The following COL24A1 variants were observed in gnomAD, a reference collection of about 807,000 sequenced individuals.
The protein encoded by COL24A1 is collagen alpha-1(XXIV) chain.
A neutral mutation model predicts 253.9 loss-of-function variants in COL24A1; 224 were observed. That is an observed-to-expected ratio of 0.88 (90% CI 0.79 to 0.99). The LOEUF is 0.99. COL24A1 is among the 50% of genes least tolerant of loss of function. The pLI is 0.00. For synonymous variants in COL24A1, 685 were observed against 673.7 expected, an observed-to-expected ratio of 1.02 and a Z score of -0.26; for missense variants, 2,131 against 2,068.5, an observed-to-expected ratio of 1.03 and a Z score of -0.59.
chr1:85,946,935 GA>G (rs1689379159), intron 24 of COL24A1, among the ~76,000 whole-genome samples: 1 of 152,138 alleles, frequency 6.6e-6, no homozygotes, highest in Admixed American at 6.6e-5. Flanking sequence ...ACTACAAAAA[GA>G]AAGAAATCCA....
At chr1:85,923,928 C>T (rs560185916) in intron 24 of COL24A1, among the ~76,000 whole-genome samples, 5 of 151,902 alleles carry the variant, frequency 3.3e-5, no homozygotes, top group South Asian at 2.1e-4. Context: ...GCTAGCAAGA[C>T]TAATAAAGAA....
At chr1:86,036,179 G>T (rs1391485631) in intron 12 of COL24A1, among the ~76,000 whole-genome samples, 5 of 151,560 alleles carry the variant, frequency 3.3e-5, no homozygotes, top group African/African-American at 1.2e-4. Context: ...TCGAGATGGG[G>T]TCTCACTTTG....
intron 19 of COL24A1, among the ~76,000 whole-genome samples, chr1:85,988,103 A>AC: frequency 6.6e-6 from 1 of 151,324 alleles, no homozygotes; most frequent in South Asian, 2.1e-4. Flanking sequence ...TGTCTGATAA[A>AC]AAAAAAAAAC....
intron 18 of COL24A1, among the ~76,000 whole-genome samples, chr1:86,021,821 G>C (rs1697566515): frequency 6.6e-6 from 1 of 152,068 alleles, no homozygotes; most frequent in Admixed American, 6.5e-5. Context: ...AAAAAAATAA[G>C]GATTTAGAAT....
At chr1:86,101,500 C>A (rs1465165897) in intron 5 of COL24A1, among the ~76,000 whole-genome samples, 2 of 152,078 alleles carry the variant, frequency 1.3e-5, no homozygotes, top group African/African-American at 4.8e-5. Context: ...TTTTGCCCAT[C>A]CAGTATAATG....
chr1:86,132,542 A>G (rs966845188), intron 2 of COL24A1, among the ~76,000 whole-genome samples: 1 of 152,142 alleles, frequency 6.6e-6, no homozygotes, highest in Non-Finnish European at 1.5e-5. Flanking sequence ...TAATTTTTGT[A>G]TAAGGTGTAA....
At chr1:86,097,871 C>A (rs1461362818) in intron 5 of COL24A1, among the ~76,000 whole-genome samples, 2 of 152,028 alleles carry the variant, frequency 1.3e-5, no homozygotes, top group African/African-American at 4.8e-5. Flanking sequence ...AGATCCAAAT[C>A]CTATTTTTAA....
intron 52 of COL24A1, among the ~76,000 whole-genome samples, chr1:85,777,936 T>G (rs940386098): frequency 5.3e-5 from 8 of 152,114 alleles, no homozygotes; most frequent in Non-Finnish European, 8.8e-5. Context: ...GCTGGCTACT[T>G]TTTTGATGGA....
intron 43 of COL24A1, among the ~76,000 whole-genome samples, chr1:85,826,080 C>T (rs1447927553): frequency 2.2e-5 from 3 of 138,680 alleles, no homozygotes; most frequent in Non-Finnish European, 4.8e-5. Context: ...AGTCTTTAAT[C>T]CATCTTGAAT....
chr1:85,970,404 C>A, intron 21 of COL24A1, 133 bp from the exon 22 acceptor site: 2 of 905,896 alleles, frequency 2.2e-6, no homozygotes, highest in Middle Eastern at 3.4e-4. Context: ...CTGTTATTTT[C>A]TTGTACTTTG....
At chr1:85,888,003 T>A (rs1046061144) in intron 32 of COL24A1, among the ~76,000 whole-genome samples, 1 of 151,932 alleles carries the variant, frequency 6.6e-6, no homozygotes, top group African/African-American at 2.4e-5. Context: ...AAACTGAATT[T>A]ATAATCTTCC....
intron 19 of COL24A1, among the ~76,000 whole-genome samples, chr1:85,994,494 G>A (rs1285907876): frequency 6.6e-6 from 1 of 151,846 alleles, no homozygotes; most frequent in Non-Finnish European, 1.5e-5. Context: ...TATGCAGAGG[G>A]AGAGAGGTTT....
rs1415324929 is a variant in COL24A1 at position 86,063,775 on chromosome 1, T to C, written c.1708-16A>G. On this transcript the variant is annotated splice_polypyrimidine_tract_variant and intron_variant, in intron 7 of 59. Transcript: ENST00000370571. ...CTTTGAGACCCTGTAAAAGAATAAGTGGAGACATGCTATGAAAAGTAAACT... is the reference window on the plus strand; with the variant it reads ...CTTTGAGACCCTGTAAAAGAATAAGCGGAGACATGCTATGAAAAGTAAACT... 9.9e-6 allele frequency: 15 copies of C among 1,515,972 alleles called. No homozygotes were observed. Among genetic ancestry groups the C allele is most frequent in the Admixed American group, 2.0e-5 (1 of 48,842 alleles). The allele number at this position is 1,515,972 out of a possible 1,614,324, so 93.9% of individuals were successfully genotyped here.
intron 24 of COL24A1, among the ~76,000 whole-genome samples, chr1:85,935,010 C>T (rs1051975506): frequency 6.6e-6 from 1 of 151,158 alleles, no homozygotes; most frequent in African/African-American, 2.4e-5. Flanking sequence ...TCCAGACAAC[C>T]ATATAATAAT....
At chr1:86,094,969 T>C (rs1703795383) in intron 5 of COL24A1, among the ~76,000 whole-genome samples, 1 of 152,040 alleles carries the variant, frequency 6.6e-6, no homozygotes, top group African/African-American at 2.4e-5. Context: ...TCACAATGCC[T>C]ATTACAAATC....
rs1165341082 is a variant in COL24A1, at chr1:85,945,002, G to GTTTTT, written c.2562+16242_2562+16246dup. Among the ~76,000 whole-genome samples, 116 of 35,344 alleles carry GTTTTT rather than the reference G, an allele frequency of 3.3e-3. 16 individuals are homozygous for GTTTTT. The highest frequency in any genetic ancestry group is 0.011 in the African/African-American group (92 of 8,224). The allele number at this position is 35,344 out of a possible 152,430, so 23.2% of individuals were successfully genotyped here. A position where few individuals can be genotyped will look rare whatever the true frequency, so the allele number is the denominator to read the frequency against. Reference sequence around the variant, plus strand: ...TTTTCTTAATCCAGTCTATCATTGTGTTTTTTTTTTTTTTTTTTTTTTTTT... The same window carrying GTTTTT: ...TTTTCTTAATCCAGTCTATCATTGTGTTTTTTTTTTTTTTTTTTTTTTTTTTTTTT... On this transcript the variant is annotated intron_variant, in intron 24 of 59. Transcript: ENST00000370571.
intron 20 of COL24A1, among the ~76,000 whole-genome samples, chr1:85,976,011 G>C (rs1692638638): frequency 6.6e-6 from 1 of 152,138 alleles, no homozygotes. Flanking sequence ...TATCTCACTA[G>C]GGCCCTCAGG....
intron 55 of COL24A1, among the ~76,000 whole-genome samples, chr1:85,754,550 TA>T (rs34069021): frequency 0.022 from 2,483 of 110,980 alleles, 30 homozygotes; most frequent in Non-Finnish European, 0.025. Flanking sequence ...AAAAAAAAAT[TA>T]AAAAAAAAAA....
intron 47 of COL24A1, among the ~76,000 whole-genome samples, chr1:85,812,383 T>G (rs902934956): frequency 1.3e-5 from 2 of 152,202 alleles, no homozygotes; most frequent in Non-Finnish European, 2.9e-5. Context: ...TTTGGATAGA[T>G]CTGCATTGAT....
Sources: allele counts gnomAD v4.1 joint callset (sites outside exome capture counted in the v4.1 genomes callset), GRCh38; gene constraint gnomAD v4.1.1; transcripts MANE v1.5; gene names NCBI Gene and HGNC (gene_info 2026-07-23, HGNC 2026-07-21).